The following RAB27B variants were observed in gnomAD, a reference collection of about 807,000 sequenced individuals.
RAB27B encodes RAB27B, member RAS oncogene family.
A neutral mutation model predicts 24.6 loss-of-function variants in RAB27B; 15 were observed. The observed-to-expected ratio is 0.61, with a 90% CI of 0.41 to 0.94. The LOEUF (loss-of-function observed/expected upper bound fraction) is 0.94, where lower values mean the gene tolerates loss of function less well. Among genes scored for constraint, RAB27B ranks in the 40% least tolerant of loss-of-function variants. The pLI, the probability that RAB27B is intolerant of heterozygous loss-of-function variation, is 0.00. For synonymous variants in RAB27B, 105 were observed against 92.5 expected, an observed-to-expected ratio of 1.14 and a Z score of -0.78; for missense variants, 261 against 266.8, an observed-to-expected ratio of 0.98 and a Z score of 0.15.
At chr18:54,811,389 C>A (rs1909959379) in intron 2 of RAB27B, among the ~76,000 whole-genome samples, 1 of 152,156 alleles carries the variant, frequency 6.6e-6, no homozygotes, top group Non-Finnish European at 1.5e-5. Flanking sequence ...TAAATTGGTT[C>A]AGTCCGGAAC....
intron 1 of RAB27B, among the ~76,000 whole-genome samples, chr18:54,857,203 G>T (rs377673681): frequency 2.6e-5 from 4 of 152,054 alleles, no homozygotes; most frequent in Middle Eastern, 3.2e-3. Flanking sequence ...TCTCCACCTG[G>T]GTACTCTGTC....
At chr18:54,720,662 T>C (rs1313915902) in intron 2 of RAB27B, among the ~76,000 whole-genome samples, 1 of 152,078 alleles carries the variant, frequency 6.6e-6, no homozygotes, top group Non-Finnish European at 1.5e-5. Context: ...TCTGAGCATC[T>C]GTATAAGTAA....
At chr18:54,733,197 C>G (rs1909779982) in intron 2 of RAB27B, among the ~76,000 whole-genome samples, 2 of 152,062 alleles carry the variant, frequency 1.3e-5, no homozygotes, top group African/African-American at 4.8e-5. Context: ...AGGTGCATAC[C>G]ACCATGCCTG....
At chr18:54,883,732 C>T (rs1253973323) in intron 3 of RAB27B, among the ~76,000 whole-genome samples, 1 of 151,986 alleles carries the variant, frequency 6.6e-6, no homozygotes, top group African/African-American at 2.4e-5. Flanking sequence ...CTGTCCTGAC[C>T]CCCACTCAGT....
In RAB27B at chr18:54,791,758, A is replaced by G. The variant is rs58891431; in HGVS notation, c.-20+73617A>G. ...CAGGCGGCCAGACGTCAAGAGGAGC[A>G]TATCAGCAGACAAAGACACAAGCAG... is the stretch of plus-strand genomic sequence containing the variant. On this transcript the variant is annotated intron_variant, in intron 2 of 4. Coordinates refer to the RAB27B transcript ENST00000586570. 2.4e-3 allele frequency among the ~76,000 whole-genome samples: 368 copies of G among 152,340 alleles called. 4 individuals are homozygous for G. Among genetic ancestry groups the G allele is most frequent in the African/African-American group, 8.6e-3 (359 of 41,582 alleles).
intron 1 of RAB27B, among the ~76,000 whole-genome samples, chr18:54,843,164 A>G (rs945078788): frequency 6.6e-6 from 1 of 152,136 alleles, no homozygotes; most frequent in Non-Finnish European, 1.5e-5. Flanking sequence ...TTTCAAATTC[A>G]TTTGTACCAT....
intron 2 of RAB27B, among the ~76,000 whole-genome samples, chr18:54,779,963 T>TCCA: frequency 6.7e-6 from 1 of 149,506 alleles, no homozygotes; most frequent in African/African-American, 2.5e-5. Flanking sequence ...CCTGACGGCT[T>TCCA]CCTCCTCACC....
intron 1 of RAB27B, among the ~76,000 whole-genome samples, chr18:54,869,070 A>C (rs1353808871): frequency 2.6e-5 from 4 of 152,210 alleles, no homozygotes; most frequent in African/African-American, 9.7e-5. Context: ...CTTGTCTGCA[A>C]AACAGTGTTT....
intron 2 of RAB27B, among the ~76,000 whole-genome samples, chr18:54,752,056 T>A (rs966700385): frequency 1.1e-4 from 17 of 152,174 alleles, no homozygotes; most frequent in African/African-American, 4.1e-4. Context: ...CAGAAGTTAT[T>A]ACTACTTGCA....
chr18:54,877,505 G>T (rs906168268), intron 1 of RAB27B, 62 bp from the exon 2 acceptor site: 25 of 1,223,724 alleles, frequency 2.0e-5, no homozygotes, highest in Admixed American at 1.6e-4. Flanking sequence ...GTCATATTTT[G>T]ATATAAAGCA....
At chr18:54,749,804 C>G (rs1423932518) in intron 2 of RAB27B, among the ~76,000 whole-genome samples, 1 of 151,974 alleles carries the variant, frequency 6.6e-6, no homozygotes, top group Non-Finnish European at 1.5e-5. Flanking sequence ...AAAATAGAGG[C>G]TTTGGATTTG....
At chr18:54,728,197 G>T (rs1268022317) in intron 2 of RAB27B, among the ~76,000 whole-genome samples, 1 of 152,098 alleles carries the variant, frequency 6.6e-6, no homozygotes, top group African/African-American at 2.4e-5. Flanking sequence ...ACTTCCTCTG[G>T]CCAGAAGATG....
intron 1 of RAB27B, among the ~76,000 whole-genome samples, chr18:54,834,738 A>C (rs1469419092): frequency 6.7e-6 from 1 of 149,958 alleles, no homozygotes; most frequent in East Asian, 1.9e-4. Flanking sequence ...GAAACATATG[A>C]ACTCTATAAT....
intron 1 of RAB27B, among the ~76,000 whole-genome samples, chr18:54,845,727 C>G (rs943754524): frequency 1.7e-4 from 26 of 152,260 alleles, no homozygotes; most frequent in African/African-American, 6.3e-4. Context: ...ACAGAACCCT[C>G]CTTTCTGTTA....
intron 3 of RAB27B, among the ~76,000 whole-genome samples, chr18:54,883,522 A>G (rs1913010824): frequency 2.0e-5 from 3 of 152,122 alleles, no homozygotes; most frequent in African/African-American, 7.2e-5. Flanking sequence ...GGTTTTGCCC[A>G]TTGCTCTTAT....
At chr18:54,746,307 AG>A (rs2145022139) in intron 2 of RAB27B, among the ~76,000 whole-genome samples, 1 of 152,320 alleles carries the variant, frequency 6.6e-6, no homozygotes, top group African/African-American at 2.4e-5. Flanking sequence ...GACAAAAATC[AG>A]GAAGTTGACT....
intron 2 of RAB27B, among the ~76,000 whole-genome samples, chr18:54,801,170 A>C (rs1469156904): frequency 6.6e-6 from 1 of 151,172 alleles, no homozygotes; most frequent in African/African-American, 2.4e-5. Flanking sequence ...ACGCCACCAC[A>C]CCTGGCTAAT....
At chr18:54,861,792 T>G (rs534733446) in intron 1 of RAB27B, among the ~76,000 whole-genome samples, 72 of 152,300 alleles carry the variant, frequency 4.7e-4, no homozygotes, top group African/African-American at 1.5e-3. Context: ...AGCAGCCAAG[T>G]TTGAGAACCA....
intron 1 of RAB27B, among the ~76,000 whole-genome samples, chr18:54,842,663 T>A (rs1425095706): frequency 6.6e-6 from 1 of 152,224 alleles, no homozygotes; most frequent in South Asian, 2.1e-4. Flanking sequence ...TGCTGTTATG[T>A]CTTATCTATC....
Sources: allele counts gnomAD v4.1 joint callset (sites outside exome capture counted in the v4.1 genomes callset), GRCh38; gene constraint gnomAD v4.1.1; transcripts MANE v1.5; gene names NCBI Gene and HGNC (gene_info 2026-07-23, HGNC 2026-07-21).